The following RUFY1 variants were observed in gnomAD, a reference collection of about 807,000 sequenced individuals.
RUFY1 encodes the protein RUN and FYVE domain containing 1, also known as RUN and FYVE domain-containing protein 1.
RUFY1 carries 54 observed loss-of-function variants against 94.6 expected under a neutral mutation model. The ratio of observed to expected loss-of-function variants is 0.57; its 90% CI spans 0.46 to 0.72. RUFY1 has a LOEUF of 0.72. RUFY1 is among the 30% of genes least tolerant of loss of function. RUFY1 has a pLI of 0.00. For missense variants in RUFY1, 883 were observed against 883.9 expected (o/e 1.00, Z 0.01); for synonymous variants, 396 against 347.3 (o/e 1.14, Z -1.56).
chr5:179,598,880 T>G, intron 14 of RUFY1, 59 bp downstream of exon 14: 1 of 1,599,438 alleles, frequency 6.3e-7, no homozygotes, highest in Non-Finnish European at 8.5e-7. Context: ...ACCCCTAACA[T>G]GCTCCGGGCA....
At chr5:179,592,939 A>G (rs1172579501) in intron 10 of RUFY1, among the ~76,000 whole-genome samples, 1 of 152,224 alleles carries the variant, frequency 6.6e-6, no homozygotes, top group Admixed American at 6.5e-5. Context: ...TCATCCTGTT[A>G]CTGACCAGCT....
chr5:179,591,683 T>G lies in RUFY1; in HGVS notation c.1187T>G (p.Leu396Arg), dbSNP rs761910875. The stretch of plus-strand genomic sequence containing the variant: ...ACTTACAAGCAAACTCGGCAAGGTC[T>G]GGATGAAATGTACAGTGATGTGTGG... ...LETYKQTRQGLDEMYSDVWKQ... is the reference protein window; with the variant it reads ...LETYKQTRQGRDEMYSDVWKQ... The change falls in exon 10 of 18, where the codon CTG becomes CGG. Residue 396 changes from leucine to arginine, a missense_variant. Physicochemically the swap from Leu to Arg is moderately radical, Grantham distance 102 (BLOSUM62 -2). Coordinates refer to ENST00000319449, the MANE Select transcript of RUFY1 (RefSeq NM_025158.5). The G allele has an allele frequency of 6.2e-7, 1 of 1,613,610 alleles. No individual in the cohort carries two copies. The highest frequency in any genetic ancestry group is 8.5e-7 in the Non-Finnish European group (1 of 1,179,884).
chr5:179,578,532 T>C (rs1463944018), intron 6 of RUFY1, among the ~76,000 whole-genome samples: 3 of 150,694 alleles, frequency 2.0e-5, no homozygotes, highest in Non-Finnish European at 4.4e-5. Context: ...TATCTTTTTA[T>C]GCCATTATGA....
intron 5 of RUFY1, among the ~76,000 whole-genome samples, chr5:179,575,351 G>A (rs190991788): frequency 8.8e-4 from 133 of 151,932 alleles, no homozygotes; most frequent in African/African-American, 3.0e-3. Flanking sequence ...CTCCTCGTCT[G>A]TCTGCTGTGC....
At chr5:179,591,838 A>C in intron 10 of RUFY1, 97 bp downstream of exon 10, 1 of 736,818 alleles carries the variant, frequency 1.4e-6, no homozygotes, top group Non-Finnish European at 2.2e-6. Context: ...CCTGATGGTC[A>C]TAGAAAGTCA....
At chr5:179,599,126 T>A (rs147243733) in intron 14 of RUFY1, 1 of 311,782 alleles carries the variant, frequency 3.2e-6, no homozygotes, top group Non-Finnish European at 5.9e-6. Context: ...CAGTGAGTTA[T>A]GCCCTGCAAA....
chr5:179,572,524 C>T, intron 5 of RUFY1: 1 of 210,790 alleles, frequency 4.7e-6, no homozygotes, highest in Non-Finnish European at 1.0e-5. Context: ...GAGGGCATTG[C>T]CTACCCTGCC....
At chr5:179,607,323 T>G in intron 16 of RUFY1, 1 of 520,562 alleles carries the variant, frequency 1.9e-6, no homozygotes, top group South Asian at 2.2e-5. Flanking sequence ...GAGCAGATGC[T>G]GGAGACCGCC....
intron 7 of RUFY1, among the ~76,000 whole-genome samples, chr5:179,583,800 A>G (rs1476970638): frequency 6.6e-6 from 1 of 150,682 alleles, no homozygotes; most frequent in African/African-American, 2.4e-5. Context: ...CCCAGGCTGG[A>G]GTGCAGTGGC....
intron 2 of RUFY1, among the ~76,000 whole-genome samples, chr5:179,560,513 A>G (rs947496882): frequency 6.6e-6 from 1 of 151,762 alleles, no homozygotes; most frequent in African/African-American, 2.4e-5. Context: ...AGGTCAGGAT[A>G]TCGAGACCAT....
chr5:179,593,999 G>C (rs1261234647), intron 11 of RUFY1, among the ~76,000 whole-genome samples: 2 of 151,784 alleles, frequency 1.3e-5, no homozygotes, highest in Non-Finnish European at 2.9e-5. Context: ...AAGCATGGAG[G>C]AGAGAATTAA....
chr5:179,579,657 C>CTTCTTTTTTTTTTTTTTTT (rs1433456916), intron 6 of RUFY1, among the ~76,000 whole-genome samples: 11 of 50,562 alleles, frequency 2.2e-4, no homozygotes, highest in African/African-American at 3.7e-4. Context: ...TTTTCTTCTT[C>CTTCTTTTTTTTTTTTTTTT]TTTTTTTTTT....
At position 179,569,010 on chromosome 5, in the gene RUFY1, G is replaced by T. The variant is rs1437288659; in HGVS notation, c.705-292G>T. The T allele has an allele frequency of 5.1e-6, 5 of 984,476 alleles. No individual in the cohort carries two copies. In the East Asian group the frequency reaches 5.7e-4, roughly 112 times the overall value. The allele number at this position is 984,476 out of a possible 1,614,324, so 61.0% of individuals were successfully genotyped here. On this transcript the variant is annotated intron_variant, in intron 4 of 17. Transcript: ENST00000319449. ...AGGAGCCAGTGGAGACACAGGAGGG[G>T]AGAGTGACAGGAGTCAAGAGGAGAC...
At chr5:179,577,967 C>T (rs1036810051) in intron 6 of RUFY1, among the ~76,000 whole-genome samples, 1 of 151,198 alleles carries the variant, frequency 6.6e-6, no homozygotes, top group Non-Finnish European at 1.5e-5. Context: ...GTGCATTATT[C>T]TCATTGTTTA....
chr5:179,598,425 G>A, intron 13 of RUFY1: 1 of 454,332 alleles, frequency 2.2e-6, no homozygotes, highest in East Asian at 4.0e-5. Context: ...GGAGGGTTCT[G>A]CTTATGTGGT....
chr5:179,606,085 T>C (rs1435972658), intron 16 of RUFY1, 161 bp downstream of exon 16: 2 of 610,988 alleles, frequency 3.3e-6, no homozygotes, highest in Non-Finnish European at 2.9e-6. Flanking sequence ...AACGTGTCCC[T>C]CGGCTGAGGG....
At chr5:179,564,309 G>A (rs940980680) in intron 3 of RUFY1, among the ~76,000 whole-genome samples, 1 of 150,844 alleles carries the variant, frequency 6.6e-6, no homozygotes, top group African/African-American at 2.4e-5. Context: ...TAGTAGAGAT[G>A]GGGTTTCACC....
rs185131477 is a variant in RUFY1 at position 179,552,122 on chromosome 5, G to A, written c.310+1243G>A. Among the ~76,000 whole-genome samples, 323 of 121,720 alleles carry A rather than the reference G, an allele frequency of 2.7e-3. 1 individual carries two copies. Among genetic ancestry groups the A allele is most frequent in the African/African-American group, 9.7e-3 (305 of 31,482 alleles). 79.9% of individuals were successfully genotyped at this position (121,720 alleles called of 152,430 possible). On this transcript the variant is annotated intron_variant, in intron 1 of 17. Transcript: ENST00000319449. ...AGAGGTTGCAGTGAGCCGAGATCGCGCCACTGCACTCCAGCCTGGGTGACA... is the reference window on the plus strand; with the variant it reads ...AGAGGTTGCAGTGAGCCGAGATCGCACCACTGCACTCCAGCCTGGGTGACA...
In RUFY1 at chr5:179,550,704, C is replaced by A; in HGVS notation, c.135C>A (p.Pro45=). Residue 45 remains proline (P), a synonymous_variant, in exon 1 of 18, where the codon CCC becomes CCA. Coordinates refer to ENST00000319449, the MANE Select transcript of RUFY1 (RefSeq NM_025158.5). ...AGATCGTGGACCGAAGCCAGCTGCC[C>A]GGCCCAGGCGACCTGCGGAGCGCAA... ...EFEIVDRSQL[P]GPGDLRSATR... 6.7e-7 allele frequency: 1 copy of A among 1,490,346 alleles called. No individual in the cohort carries two copies. The highest frequency in any genetic ancestry group is 2.9e-5 in the East Asian group (1 of 34,838). The allele number at this position is 1,490,346 out of a possible 1,614,324, so 92.3% of individuals were successfully genotyped here.
Sources: allele counts gnomAD v4.1 joint callset (sites outside exome capture counted in the v4.1 genomes callset), GRCh38; gene constraint gnomAD v4.1.1; transcripts MANE v1.5; gene names NCBI Gene and HGNC (gene_info 2026-07-23, HGNC 2026-07-21).